The following VRK2 variants were observed in gnomAD, a reference collection of about 807,000 sequenced individuals.
VRK2 encodes the protein serine/threonine-protein kinase VRK2.
Under a neutral mutation model 57.6 loss-of-function variants are expected in VRK2, and 60 were observed. The observed-to-expected ratio is 1.04, with a 90% CI of 0.85 to 1.29. The LOEUF is 1.29. VRK2 is among the 50% of genes most tolerant of loss of function. VRK2 has a pLI of 0.00. For synonymous variants in VRK2, 231 were observed against 199.2 expected (o/e 1.16, Z -1.35); for missense variants, 705 against 588.1 (o/e 1.20, Z -2.06).
chr2:58,001,642 T>C (rs1402641903), intron 1 of VRK2, among the ~76,000 whole-genome samples: 2 of 152,062 alleles, frequency 1.3e-5, no homozygotes, highest in Non-Finnish European at 2.9e-5. Flanking sequence ...CCCAACTTAA[T>C]GAAACCCCGT....
chr2:57,994,849 C>T (rs528069021), intron 1 of VRK2, among the ~76,000 whole-genome samples: 1 of 151,836 alleles, frequency 6.6e-6, no homozygotes, highest in South Asian at 2.1e-4. Flanking sequence ...CCTATATTTT[C>T]CCAAACAAAA....
chr2:57,909,476 G>GT lies in VRK2; in HGVS notation c.-439+1647dup, dbSNP rs1553358126. On this transcript the variant is annotated intron_variant, in intron 1 of 15. Transcript: ENST00000417641. The stretch of plus-strand genomic sequence containing the variant: ...AGCCTGAGTGTATGTGTGTGTGTGT[G>GT]TTTTTTTTTTAGTTCTCAAAAGGAG... 8.1e-5 allele frequency among the ~76,000 whole-genome samples: 9 copies of GT among 111,678 alleles called. No individual in the cohort carries two copies. In the East Asian group the frequency reaches 8.3e-4, roughly 10 times the overall value. The allele number at this position is 111,678 out of a possible 152,430, so 73.3% of individuals were successfully genotyped here.
upstream of VRK2, among the ~76,000 whole-genome samples, chr2:58,041,975 T>C (rs546783588): frequency 1.1e-4 from 16 of 152,128 alleles, no homozygotes; most frequent in South Asian, 3.3e-3. Context: ...TTTACAAGTA[T>C]CGATTGACGT....
chr2:58,048,756 G>A (rs1572844067), intron 1 of VRK2, 71 bp from the exon 2 acceptor site: 2 of 1,560,456 alleles, frequency 1.3e-6, no homozygotes, highest in East Asian at 2.3e-5. Context: ...GACATTTTGG[G>A]AAGTGTATTT....
chr2:58,159,883 A>AAT (rs1392243263), downstream of VRK2: 60 of 1,589,614 alleles, frequency 3.8e-5, no homozygotes, highest in African/African-American at 6.8e-4. Flanking sequence ...AGTGTCATAG[A>AAT]ATAGTGTCAT....
intron 11 of VRK2, among the ~76,000 whole-genome samples, chr2:58,144,028 C>A (rs975487428): frequency 6.7e-6 from 1 of 150,354 alleles, no homozygotes; most frequent in Non-Finnish European, 1.5e-5. Context: ...TATATATATA[C>A]ATATATACAC....
intron 9 of VRK2, among the ~76,000 whole-genome samples, chr2:58,133,611 C>G (rs1236832172): frequency 6.6e-6 from 1 of 152,198 alleles, no homozygotes; most frequent in Non-Finnish European, 1.5e-5. Context: ...GCTACTCTGC[C>G]TATGCCAGAG....
At chr2:58,122,494 G>C (rs892271839) in intron 7 of VRK2, among the ~76,000 whole-genome samples, 1 of 152,190 alleles carries the variant, frequency 6.6e-6, no homozygotes, top group African/African-American at 2.4e-5. Context: ...TCATAAGGAA[G>C]AGAAAATATA....
At chr2:57,937,712 A>G (rs1670958201) in intron 1 of VRK2, among the ~76,000 whole-genome samples, 1 of 152,110 alleles carries the variant, frequency 6.6e-6, no homozygotes. Flanking sequence ...TAAGAAAACC[A>G]TACTTTCTTT....
intron 1 of VRK2, among the ~76,000 whole-genome samples, chr2:57,988,163 A>G (rs973069735): frequency 1.3e-5 from 2 of 152,202 alleles, no homozygotes; most frequent in African/African-American, 4.8e-5. Flanking sequence ...GGTAAATTAT[A>G]ATTAAAAGTT....
intron 4 of VRK2, 24 bp downstream of exon 4, chr2:58,084,974 C>CTTT (rs1173301187): frequency 2.6e-6 from 4 of 1,557,538 alleles, no homozygotes; most frequent in African/African-American, 2.8e-5. Context: ...GCAAAGCAAG[C>CTTT]TACTTCCATA....
chr2:58,103,389 T>C (rs898470882), intron 7 of VRK2, among the ~76,000 whole-genome samples: 76 of 151,508 alleles, frequency 5.0e-4, no homozygotes, highest in African/African-American at 1.8e-3. Context: ...CAAATACACA[T>C]AATCAGAAAT....
chr2:58,116,348 G>A (rs13413775), intron 7 of VRK2, among the ~76,000 whole-genome samples: 2,399 of 141,918 alleles, frequency 0.017, 84 homozygotes, highest in African/African-American at 0.07. Flanking sequence ...GCTATAGTCC[G>A]GGAATAGTCA....
intron 3 of VRK2, among the ~76,000 whole-genome samples, chr2:58,035,117 C>A (rs1462817679): frequency 6.6e-6 from 1 of 152,012 alleles, no homozygotes; most frequent in Non-Finnish European, 1.5e-5. Flanking sequence ...GTACTCCATG[C>A]CTTCCAACAG....
At chr2:57,972,205 T>C (rs1350058163) in intron 1 of VRK2, among the ~76,000 whole-genome samples, 3 of 151,124 alleles carry the variant, frequency 2.0e-5, no homozygotes, top group Admixed American at 1.3e-4. Context: ...GCATTGTTTC[T>C]AGGCTTTTCA....
intron 7 of VRK2, among the ~76,000 whole-genome samples, chr2:58,113,894 A>G (rs1423887863): frequency 6.6e-6 from 1 of 152,070 alleles, no homozygotes; most frequent in Non-Finnish European, 1.5e-5. Context: ...GAAAAATAAA[A>G]CAAAATAGTG....
chr2:57,950,276 C>T (rs921833510), intron 1 of VRK2, among the ~76,000 whole-genome samples: 1 of 152,214 alleles, frequency 6.6e-6, no homozygotes, highest in Non-Finnish European at 1.5e-5. Context: ...AAGAGGTCAA[C>T]TCCTGGCTTC....
intron 2 of VRK2, among the ~76,000 whole-genome samples, chr2:58,061,850 T>G (rs1298861793): frequency 1.3e-5 from 2 of 152,094 alleles, no homozygotes; most frequent in African/African-American, 4.8e-5. Context: ...GTCTTCACAC[T>G]GGTCTGTATG....
chr2:58,026,804 A>C (rs1673942357), intron 2 of VRK2: 1 of 152,078 alleles, frequency 6.6e-6, no homozygotes, highest in Non-Finnish European at 1.5e-5. Context: ...CTGAAGCCTC[A>C]ACCTCCTTGG....
Sources: gnomAD v4.1 joint callset for allele counts (sites outside exome capture counted in the v4.1 genomes callset) on GRCh38, gnomAD v4.1.1 for gene constraint, MANE v1.5 for transcripts, NCBI Gene and HGNC (gene_info 2026-07-23, HGNC 2026-07-21) for gene names.